PTPRD: variants seen among roughly 807,000 people sequenced by gnomAD.
PTPRD encodes protein tyrosine phosphatase receptor type D.
Under a neutral mutation model 214.5 loss-of-function variants are expected in PTPRD, and 34 were observed. That is an observed-to-expected ratio of 0.16 (90% CI 0.12 to 0.21). The LOEUF is 0.21. Ranked by LOEUF, PTPRD falls within the 10% of genes least tolerant of loss-of-function variation. PTPRD has a pLI of 1.00. For missense variants in PTPRD, 2,545 were observed against 2,398.7 expected (o/e 1.06, Z -1.27); for synonymous variants, 1,128 against 845.7 (o/e 1.33, Z -5.79).
intron 12 of PTPRD, among the ~76,000 whole-genome samples, chr9:8,648,997 AT>A: frequency 6.6e-6 from 1 of 152,342 alleles, no homozygotes; most frequent in Admixed American, 6.5e-5. Context: ...GTACCTGCAA[AT>A]TGGGTCACAC....
chr9:10,267,822 C>A (rs939662097), intron 3 of PTPRD, among the ~76,000 whole-genome samples: 2 of 151,990 alleles, frequency 1.3e-5, no homozygotes, highest in African/African-American at 4.8e-5. Flanking sequence ...ACTATCTGGC[C>A]ATTAAAATTT....
At chr9:10,122,467 A>G (rs1223370335) in intron 3 of PTPRD, among the ~76,000 whole-genome samples, 1 of 152,166 alleles carries the variant, frequency 6.6e-6, no homozygotes, top group Non-Finnish European at 1.5e-5. Context: ...ATGGTTCTAG[A>G]TGTTTAATTA....
In PTPRD at chr9:8,637,702, A is replaced by T. The variant is rs117259314; in HGVS notation, c.65-858T>A. Among the ~76,000 whole-genome samples the T allele has an allele frequency of 1.8e-3, 270 of 152,344 alleles. 9 individuals are homozygous for T. The East Asian group carries it at 0.029, about 16-fold the overall frequency. On this transcript the variant is annotated intron_variant, in intron 12 of 45. Transcript: ENST00000381196. ...TGTAAATGAATACTTATGCACAAAG[A>T]TATTCATCATATCATTTGTTTGGCA...
chr9:8,935,227 G>A (rs567440868), intron 11 of PTPRD, among the ~76,000 whole-genome samples: 2 of 152,116 alleles, frequency 1.3e-5, no homozygotes, highest in South Asian at 2.1e-4. Flanking sequence ...CCAAAAAACT[G>A]TTGGAAGTAA....
At chr9:10,200,230 T>C (rs2099414179) in intron 3 of PTPRD, among the ~76,000 whole-genome samples, 1 of 152,134 alleles carries the variant, frequency 6.6e-6, no homozygotes, top group African/African-American at 2.4e-5. Flanking sequence ...TTTCTAAGTA[T>C]CTATCCATCT....
At chr9:9,792,321 G>T (rs1009362302) in intron 5 of PTPRD, among the ~76,000 whole-genome samples, 1 of 152,062 alleles carries the variant, frequency 6.6e-6, no homozygotes, top group African/African-American at 2.4e-5. Context: ...TGAAAACTCT[G>T]CCAGCACCTA....
intron 20 of PTPRD, 115 bp downstream of exon 20, chr9:8,521,162 A>C (rs2097884290): frequency 8.0e-7 from 1 of 1,251,092 alleles, no homozygotes; most frequent in African/African-American, 1.5e-5. Flanking sequence ...TTATACACAC[A>C]TTTAAAATGC....
intron 14 of PTPRD, among the ~76,000 whole-genome samples, chr9:8,630,774 T>C (rs2096228794): frequency 6.6e-6 from 1 of 151,838 alleles, no homozygotes; most frequent in Non-Finnish European, 1.5e-5. Flanking sequence ...ATGATGAAAC[T>C]CCAGCCAACT....
intron 3 of PTPRD, among the ~76,000 whole-genome samples, chr9:10,256,715 A>G (rs2154372752): frequency 6.6e-6 from 1 of 152,316 alleles, no homozygotes; most frequent in African/African-American, 2.4e-5. Context: ...ACTAACGTGT[A>G]GGATAAAATT....
intron 11 of PTPRD, among the ~76,000 whole-genome samples, chr9:8,952,505 T>G (rs1283611816): frequency 6.6e-6 from 1 of 151,926 alleles, no homozygotes; most frequent in East Asian, 1.9e-4. Context: ...TAGATACACA[T>G]AGTCACACAT....
intron 11 of PTPRD, among the ~76,000 whole-genome samples, chr9:8,747,588 G>A (rs1037815442): frequency 6.6e-6 from 1 of 152,170 alleles, no homozygotes; most frequent in Non-Finnish European, 1.5e-5. Flanking sequence ...AGGACACTTA[G>A]TATGGGGTAA....
chr9:9,817,152 CAT>C (rs2049038921), intron 5 of PTPRD, among the ~76,000 whole-genome samples: 1 of 152,020 alleles, frequency 6.6e-6, no homozygotes, highest in Non-Finnish European at 1.5e-5. Flanking sequence ...GGAGACAAGT[CAT>C]ATAAATAAAA....
At chr9:10,594,023 C>A (rs2076092875) in intron 2 of PTPRD, among the ~76,000 whole-genome samples, 1 of 151,872 alleles carries the variant, frequency 6.6e-6, no homozygotes, top group African/African-American at 2.4e-5. Flanking sequence ...TGAAATTTTT[C>A]CCTTTCTCGC....
rs936551035 is a variant in PTPRD, at chr9:10,373,975, G to T, written c.-599-32958C>A. 2.0e-5 allele frequency among the ~76,000 whole-genome samples: 3 copies of T among 152,102 alleles called. No individual in the cohort carries two copies. The South Asian group carries it at 6.2e-4, about 32-fold the overall frequency. ...TCACAGGCATATCTACCTGGTTGGT[G>T]TTTGGTCAGATCATCCCCCGAAATA... On this transcript the variant is annotated intron_variant, in intron 2 of 45. Transcript: ENST00000381196.
chr9:10,060,857 CTTCCTTCCTT>C (rs2097757357), intron 3 of PTPRD, among the ~76,000 whole-genome samples: 5 of 106,394 alleles, frequency 4.7e-5, no homozygotes, highest in African/African-American at 4.4e-4. Context: ...TCCTTTCTTT[CTTCCTTCCTT>C]CTTTCCTTCC....
intron 9 of PTPRD, among the ~76,000 whole-genome samples, chr9:9,229,443 A>G (rs981138199): frequency 6.6e-6 from 1 of 152,122 alleles, no homozygotes; most frequent in African/African-American, 2.4e-5. Context: ...CTGTGTGATG[A>G]ATAATCTGTA....
At chr9:9,006,878 TG>T (rs1038528843) in intron 11 of PTPRD, among the ~76,000 whole-genome samples, 12 of 152,042 alleles carry the variant, frequency 7.9e-5, no homozygotes, top group African/African-American at 2.9e-4. Flanking sequence ...TAAAAAATAT[TG>T]GGGGGTCATA....
chr9:8,441,132 G>A (rs748304560), intron 34 of PTPRD, among the ~76,000 whole-genome samples: 1 of 152,256 alleles, frequency 6.6e-6, no homozygotes, highest in South Asian at 2.1e-4. Context: ...CAGAAAATAC[G>A]CTCATTCCCA....
chr9:10,104,902 T>C (rs1283727629), intron 3 of PTPRD, among the ~76,000 whole-genome samples: 1 of 151,872 alleles, frequency 6.6e-6, no homozygotes, highest in Non-Finnish European at 1.5e-5. Flanking sequence ...ATATTCCAGC[T>C]ACTCTCATTT....
Sources: allele counts gnomAD v4.1 joint callset (sites outside exome capture counted in the v4.1 genomes callset), GRCh38; gene constraint gnomAD v4.1.1; transcripts MANE v1.5; gene names NCBI Gene and HGNC (gene_info 2026-07-23, HGNC 2026-07-21).